The following NEDD4L variants were observed in gnomAD, a reference collection of about 807,000 sequenced individuals.
NEDD4L encodes E3 ubiquitin-protein ligase NEDD4-like.
A neutral mutation model predicts 148.9 loss-of-function variants in NEDD4L; 54 were observed. That is an observed-to-expected ratio of 0.36 (90% CI 0.29 to 0.45). The LOEUF is 0.45. NEDD4L is among the 20% of genes least tolerant of loss of function. The pLI is 1.00. For synonymous variants in NEDD4L, 433 were observed against 440.7 expected, an observed-to-expected ratio of 0.98 and a Z score of 0.22; for missense variants, 856 against 1,233.8, an observed-to-expected ratio of 0.69 and a Z score of 4.59.
At chr18:58,080,625 G>T (rs931509314) in intron 1 of NEDD4L, among the ~76,000 whole-genome samples, 1 of 152,230 alleles carries the variant, frequency 6.6e-6, no homozygotes, top group Non-Finnish European at 1.5e-5. Flanking sequence ...GTACCTGCAG[G>T]CTTATTAGGG....
At chr18:58,345,851 CT>C (rs1568786999) in intron 16 of NEDD4L, among the ~76,000 whole-genome samples, 58 of 152,142 alleles carry the variant, frequency 3.8e-4, no homozygotes, top group South Asian at 3.1e-3. Flanking sequence ...ATGCGATTCT[CT>C]TGCCTCAGCC....
intron 1 of NEDD4L, among the ~76,000 whole-genome samples, chr18:58,089,956 C>T (rs548223787): frequency 2.0e-5 from 3 of 152,046 alleles, no homozygotes; most frequent in African/African-American, 7.2e-5. Flanking sequence ...TCTCCTGCCT[C>T]AGCCTCCTGA....
chr18:58,214,643 GTTT>G (rs769171624), intron 2 of NEDD4L, among the ~76,000 whole-genome samples: 1 of 135,564 alleles, frequency 7.4e-6, no homozygotes, highest in African/African-American at 3.0e-5. Context: ...GTGTGTGTGT[GTTT>G]TGTTGTTGTT....
intron 5 of NEDD4L, among the ~76,000 whole-genome samples, chr18:58,264,619 G>A (rs887757903): frequency 3.3e-5 from 5 of 152,022 alleles, no homozygotes; most frequent in African/African-American, 1.2e-4. Context: ...ATTACATACT[G>A]AAATATTTGA....
chr18:58,349,667 C>A, intron 17 of NEDD4L, 53 bp downstream of exon 17: 1 of 1,397,378 alleles, frequency 7.2e-7, no homozygotes, highest in Non-Finnish European at 1.0e-6. Context: ...TTCCTTTATC[C>A]GCTCAATGTT....
At chr18:58,383,510 A>G (rs964731877) in intron 25 of NEDD4L, among the ~76,000 whole-genome samples, 191 bp downstream of exon 25, 3 of 152,212 alleles carry the variant, frequency 2.0e-5, no homozygotes, top group African/African-American at 7.2e-5. Flanking sequence ...GTCTTGTATC[A>G]TGACTCCATT....
chr18:58,392,469 GT>G (rs2049962384), intron 30 of NEDD4L, among the ~76,000 whole-genome samples: 1 of 152,154 alleles, frequency 6.6e-6, no homozygotes, highest in South Asian at 2.1e-4. Context: ...ATGAACATGT[GT>G]TTGCGAAAAA....
In NEDD4L at chr18:58,224,731, C is replaced by G. The variant is rs1337721236; in HGVS notation, c.123-20696C>G. Among the ~76,000 whole-genome samples, 3 of 152,102 alleles carry G rather than the reference C, an allele frequency of 2.0e-5. No homozygotes were observed. In the East Asian group the frequency reaches 5.8e-4, roughly 29 times the overall value. On this transcript the variant is annotated intron_variant, in intron 2 of 30. Transcript: ENST00000400345. ...TCTCTTTATTCTTTTAGTCAGTTAC[C>G]AAATATTTCCTAAGTGTCTCTTGTG...
At chr18:58,132,477 G>A (rs771242003) in intron 1 of NEDD4L, among the ~76,000 whole-genome samples, 6 of 152,284 alleles carry the variant, frequency 3.9e-5, no homozygotes, top group Middle Eastern at 6.8e-3. Context: ...CAATAATTGC[G>A]GATCTTCCTT....
chr18:58,211,967 A>G (rs1204100081), intron 2 of NEDD4L, among the ~76,000 whole-genome samples: 1 of 152,158 alleles, frequency 6.6e-6, no homozygotes, highest in African/African-American at 2.4e-5. Flanking sequence ...ATAATCAGTA[A>G]TAAGTCCCGG....
At chr18:58,136,298 A>G (rs756606681) in intron 1 of NEDD4L, among the ~76,000 whole-genome samples, 1 of 152,220 alleles carries the variant, frequency 6.6e-6, no homozygotes, top group African/African-American at 2.4e-5. Context: ...GCATCCTGCC[A>G]CTGAGTTGAG....
At chr18:58,098,784 G>A (rs2084580629) in intron 1 of NEDD4L, among the ~76,000 whole-genome samples, 1 of 152,208 alleles carries the variant, frequency 6.6e-6, no homozygotes, top group Admixed American at 6.5e-5. Context: ...TGAGAAGATA[G>A]TGGTGGCTCA....
chr18:58,095,913 T>A (rs77643196), intron 1 of NEDD4L, among the ~76,000 whole-genome samples: 4 of 151,846 alleles, frequency 2.6e-5, no homozygotes, highest in African/African-American at 9.7e-5. Flanking sequence ...ATTATGAGCC[T>A]TTTGTGTGAT....
chr18:58,382,115 G>A (rs978626025), intron 24 of NEDD4L, among the ~76,000 whole-genome samples: 11 of 152,204 alleles, frequency 7.2e-5, no homozygotes, highest in Non-Finnish European at 1.3e-4. Context: ...TCGAGGGACC[G>A]GATGGATGAT....
rs565942017 is a variant in NEDD4L, at chr18:58,081,060, C to G, written c.48+36352C>G. Among the ~76,000 whole-genome samples the G allele has an allele frequency of 2.6e-5, 4 of 152,144 alleles. No individual in the cohort carries two copies. The South Asian group carries it at 8.3e-4, about 32-fold the overall frequency. On this transcript the variant is annotated intron_variant, in intron 1 of 30. Coordinates refer to ENST00000400345, the MANE Select transcript of NEDD4L (RefSeq NM_001144967.3). Reference sequence around the variant, plus strand: ...AATGTTACAGTAACAGTGTTCTCTGCTACTTTCAATGAATAAAAAACCTAG... The same window carrying G: ...AATGTTACAGTAACAGTGTTCTCTGGTACTTTCAATGAATAAAAAACCTAG...
At chr18:58,392,145 C>A (rs772802672) in intron 30 of NEDD4L, among the ~76,000 whole-genome samples, 1 of 152,238 alleles carries the variant, frequency 6.6e-6, no homozygotes, top group South Asian at 2.1e-4. Context: ...GTTTTCTGAA[C>A]AGTTGCATGA....
intron 5 of NEDD4L, among the ~76,000 whole-genome samples, chr18:58,303,247 AGTCAAAGGT>A (rs2056709497): frequency 6.6e-6 from 1 of 152,198 alleles, no homozygotes; most frequent in South Asian, 2.1e-4. Context: ...AGACATAAAG[AGTCAAAGGT>A]TGGTGCCTAG....
chr18:58,148,751 A>T (rs1045978315), intron 1 of NEDD4L, among the ~76,000 whole-genome samples: 1 of 152,224 alleles, frequency 6.6e-6, no homozygotes, highest in Non-Finnish European at 1.5e-5. Context: ...CAGGGGCTAG[A>T]GCCTCAACAT....
intron 2 of NEDD4L, among the ~76,000 whole-genome samples, chr18:58,217,942 C>T (rs941455263): frequency 1.3e-5 from 2 of 152,128 alleles, no homozygotes; most frequent in African/African-American, 4.8e-5. Context: ...TTTTCGAAGG[C>T]TGCAGAGTAT....
Sources: gnomAD v4.1 joint callset for allele counts (sites outside exome capture counted in the v4.1 genomes callset) on GRCh38, gnomAD v4.1.1 for gene constraint, MANE v1.5 for transcripts, NCBI Gene and HGNC (gene_info 2026-07-23, HGNC 2026-07-21) for gene names.